The following STXBP5L variants were observed in gnomAD, a reference collection of about 807,000 sequenced individuals.
STXBP5L encodes the protein syntaxin binding protein 5L, also known as syntaxin-binding protein 5-like.
STXBP5L carries 65 observed loss-of-function variants against 144.5 expected under a neutral mutation model. That is an observed-to-expected ratio of 0.45 (90% CI 0.37 to 0.55). The LOEUF is 0.55. Among genes scored for constraint, STXBP5L ranks in the 20% least tolerant of loss-of-function variants. The pLI, the probability that STXBP5L is intolerant of heterozygous loss-of-function variation, is 0.00. For missense variants in STXBP5L, 1,298 were observed against 1,405.5 expected (o/e 0.92, Z 1.22); for synonymous variants, 505 against 469.6 (o/e 1.08, Z -0.97).
At chr3:121,074,706 T>A (rs1439605519) in intron 5 of STXBP5L, among the ~76,000 whole-genome samples, 1 of 152,208 alleles carries the variant, frequency 6.6e-6, no homozygotes, top group Non-Finnish European at 1.5e-5. Context: ...TCCTTTGTTG[T>A]TGGGACAGTA....
chr3:121,363,821 AGTTTTCTATTCT>A (rs2045786973), intron 20 of STXBP5L, among the ~76,000 whole-genome samples: 1 of 151,864 alleles, frequency 6.6e-6, no homozygotes. Context: ...TGATTGGTGG[AGTTTTCTATTCT>A]GCCATCTTGC....
At chr3:121,344,416 G>A (rs2044866077) in intron 20 of STXBP5L, among the ~76,000 whole-genome samples, 1 of 150,894 alleles carries the variant, frequency 6.6e-6, no homozygotes. Flanking sequence ...AATTAAATTA[G>A]AATACTATTA....
intron 3 of STXBP5L, among the ~76,000 whole-genome samples, chr3:121,027,737 G>T (rs567889788): frequency 1.3e-5 from 2 of 152,092 alleles, no homozygotes; most frequent in East Asian, 3.9e-4. Flanking sequence ...CAGCCAAACA[G>T]TGACCTTCAT....
chr3:121,209,882 G>T (rs1217209923), intron 10 of STXBP5L, among the ~76,000 whole-genome samples: 1 of 152,144 alleles, frequency 6.6e-6, no homozygotes, highest in Non-Finnish European at 1.5e-5. Context: ...GAATAGTGCT[G>T]CAATAAACAT....
At chr3:121,291,190 A>T (rs1197643885) in intron 19 of STXBP5L, among the ~76,000 whole-genome samples, 1 of 152,188 alleles carries the variant, frequency 6.6e-6, no homozygotes, top group Non-Finnish European at 1.5e-5. Context: ...CTGAAAAGTG[A>T]ATTTAGTAAA....
intron 7 of STXBP5L, among the ~76,000 whole-genome samples, chr3:121,151,812 A>G (rs1180768286): frequency 6.8e-6 from 1 of 146,500 alleles, no homozygotes; most frequent in East Asian, 1.9e-4. Context: ...ATCATTTAAC[A>G]GCAAAAGTTA....
chr3:121,152,178 C>T (rs941587991), intron 7 of STXBP5L, among the ~76,000 whole-genome samples: 5 of 151,862 alleles, frequency 3.3e-5, no homozygotes, highest in Non-Finnish European at 5.9e-5. Context: ...ATTTCATCTT[C>T]GTTTTCTATC....
intron 12 of STXBP5L, 27 bp from the exon 13 acceptor site, chr3:121,238,944 C>G: frequency 6.6e-7 from 1 of 1,507,286 alleles, no homozygotes; most frequent in Non-Finnish European, 9.0e-7. Context: ...TGTAAAATAA[C>G]ACTGATATAT....
chr3:121,259,219 A>AT (rs2050308198), intron 18 of STXBP5L, 51 bp downstream of exon 18: 2 of 1,357,256 alleles, frequency 1.5e-6, no homozygotes, highest in South Asian at 2.2e-5. Context: ...AATATGTTTG[A>AT]TTTTTTAGAT....
At chr3:121,325,480 A>G (rs1397074162) in intron 20 of STXBP5L, among the ~76,000 whole-genome samples, 1 of 152,022 alleles carries the variant, frequency 6.6e-6, no homozygotes, top group Non-Finnish European at 1.5e-5. Context: ...TTAATTTGGG[A>G]ATTACAAAAA....
At chr3:121,360,914 C>G (rs745748602) in intron 20 of STXBP5L, among the ~76,000 whole-genome samples, 1 of 152,126 alleles carries the variant, frequency 6.6e-6, no homozygotes, top group Non-Finnish European at 1.5e-5. Flanking sequence ...TTATATATTG[C>G]TCATTAATGT....
intron 21 of STXBP5L, 30 bp from the exon 22 acceptor site, chr3:121,381,263 T>C: frequency 6.8e-7 from 1 of 1,478,634 alleles, no homozygotes; most frequent in Non-Finnish European, 9.0e-7. Context: ...ACTAACAATT[T>C]GTGTGGTTTT....
At chr3:121,055,295 G>A (rs1319919178) in intron 5 of STXBP5L, among the ~76,000 whole-genome samples, 2 of 151,820 alleles carry the variant, frequency 1.3e-5, no homozygotes, top group Non-Finnish European at 2.9e-5. Flanking sequence ...GCATCTTTTG[G>A]GACATTCTCC....
chr3:121,187,206 G>T (rs1559840117), intron 9 of STXBP5L, among the ~76,000 whole-genome samples: 1 of 152,126 alleles, frequency 6.6e-6, no homozygotes, highest in Non-Finnish European at 1.5e-5. Context: ...GTACACCATG[G>T]AATACTATGC....
intron 3 of STXBP5L, among the ~76,000 whole-genome samples, chr3:121,004,416 G>A (rs1192062411): frequency 6.6e-6 from 1 of 151,844 alleles, no homozygotes; most frequent in African/African-American, 2.4e-5. Context: ...CTGAGACTTT[G>A]CTGAAGTTGC....
intron 2 of STXBP5L, among the ~76,000 whole-genome samples, chr3:120,923,686 G>A (rs1222264323): frequency 6.6e-6 from 1 of 151,850 alleles, no homozygotes; most frequent in Non-Finnish European, 1.5e-5. Flanking sequence ...TTATTCCATT[G>A]TGATCATAAA....
intron 3 of STXBP5L, among the ~76,000 whole-genome samples, chr3:120,976,005 C>T (rs763303987): frequency 0.099 from 15,042 of 151,806 alleles, 1,153 homozygotes; most frequent in Admixed American, 0.2. Flanking sequence ...CTAAAATTCT[C>T]TTTTTTTTGT....
chr3:120,930,486 T>C (rs1709874414), intron 2 of STXBP5L, among the ~76,000 whole-genome samples: 1 of 152,200 alleles, frequency 6.6e-6, no homozygotes, highest in African/African-American at 2.4e-5. Context: ...AGGCGCTTTA[T>C]ATTTTTTACT....
At chr3:121,185,960 T>C (rs2108130678) in intron 9 of STXBP5L, among the ~76,000 whole-genome samples, 1 of 152,310 alleles carries the variant, frequency 6.6e-6, no homozygotes, top group Middle Eastern at 3.4e-3. Flanking sequence ...GTTTGTATCC[T>C]CTTTTATTTC....
Sources: allele counts gnomAD v4.1 joint callset (sites outside exome capture counted in the v4.1 genomes callset), GRCh38; gene constraint gnomAD v4.1.1; transcripts MANE v1.5; gene names NCBI Gene and HGNC (gene_info 2026-07-23, HGNC 2026-07-21).